Variants in CCDC93 observed in about 807,000 individuals in gnomAD.
The protein encoded by CCDC93 is CCC complex scaffolding subunit CCDC93.
In CCDC93, 61 loss-of-function variants were observed where a neutral mutation model predicts 108.2. That is an observed-to-expected ratio of 0.56 (90% confidence interval 0.46 to 0.70). CCDC93 has a LOEUF of 0.70. Ranked by LOEUF, CCDC93 falls within the 30% of genes least tolerant of loss-of-function variation. CCDC93 has a pLI of 0.00. For synonymous variants in CCDC93, 276 were observed against 260.4 expected (o/e 1.06, Z -0.58); for missense variants, 685 against 764.2 (o/e 0.90, Z 1.22).
intron 3 of CCDC93, among the ~76,000 whole-genome samples, chr2:118,002,072 A>G (rs753755141): frequency 2.0e-5 from 3 of 152,152 alleles, no homozygotes; most frequent in Non-Finnish European, 2.9e-5. Flanking sequence ...GACCCTTTAA[A>G]AAAAATCTTA....
chr2:117,921,176 C>CAA (rs34197714), intron 23 of CCDC93, among the ~76,000 whole-genome samples: 6,069 of 75,866 alleles, frequency 0.08, 250 homozygotes, highest in Non-Finnish European at 0.11. Context: ...GGCTCTGTCT[C>CAA]AAAAAAAAAA....
intron 18 of CCDC93, among the ~76,000 whole-genome samples, chr2:117,943,145 C>A (rs2104732420): frequency 6.6e-6 from 1 of 152,336 alleles, no homozygotes; most frequent in East Asian, 1.9e-4. Flanking sequence ...GAAGCTTTCC[C>A]CTAGCCAGTC....
In CCDC93 at chr2:117,916,564, T is replaced by A. The variant is rs1677692225; in HGVS notation, c.*3779A>T. On this transcript the variant is annotated 3_prime_UTR_variant, in exon 24 of 24. Transcript: ENST00000376300. The stretch of plus-strand genomic sequence containing the variant: ...GAAAAGCCATTTTATCCAACCGGAA[T>A]TTCCCAGTCAGTCATCTACCTTGAG... 1 of 152,222 alleles carries A rather than the reference T, an allele frequency of 6.6e-6. No homozygotes were observed. Among genetic ancestry groups the A allele is most frequent in the South Asian group, 2.1e-4 (1 of 4,830 alleles). The allele number at this position is 152,222 out of a possible 1,614,324, so 9.4% of individuals were successfully genotyped here. A position where few individuals can be genotyped will look rare whatever the true frequency, so the allele number is the denominator to read the frequency against.
intron 12 of CCDC93, among the ~76,000 whole-genome samples, chr2:117,957,071 G>A (rs1249179648): frequency 6.6e-6 from 1 of 152,054 alleles, no homozygotes; most frequent in Non-Finnish European, 1.5e-5. Context: ...TGTATTTTTA[G>A]TAGAGACAGG....
chr2:118,000,710 C>G, intron 4 of CCDC93, 111 bp downstream of exon 4: 2 of 666,394 alleles, frequency 3.0e-6, no homozygotes, highest in Non-Finnish European at 5.3e-6. Context: ...AAATCTAAGC[C>G]ACACCCATTA....
intron 4 of CCDC93, chr2:118,000,038 G>A (rs377568209): frequency 6.6e-6 from 1 of 152,194 alleles, no homozygotes; most frequent in East Asian, 1.9e-4. Context: ...CTCTCCCTTA[G>A]GCATTTAGCC....
intron 15 of CCDC93, among the ~76,000 whole-genome samples, chr2:117,947,523 T>A (rs909248544): frequency 1.3e-5 from 2 of 152,184 alleles, no homozygotes; most frequent in South Asian, 4.1e-4. Flanking sequence ...GTTACCCTTT[T>A]CACAAAGGCC....
At chr2:117,941,995 C>T (rs1037149752) in intron 18 of CCDC93, among the ~76,000 whole-genome samples, 1 of 152,230 alleles carries the variant, frequency 6.6e-6, no homozygotes, top group East Asian at 1.9e-4. Context: ...TCCTCCCACT[C>T]TCCTGCCTGC....
intron 12 of CCDC93, among the ~76,000 whole-genome samples, chr2:117,953,065 G>A (rs752462521): frequency 1.7e-4 from 26 of 152,254 alleles, no homozygotes; most frequent in Middle Eastern, 6.8e-3. Context: ...TCAACTTTTA[G>A]AAATTTGAAA....
chr2:118,008,430 T>C (rs1676935289), intron 2 of CCDC93, 115 bp downstream of exon 2: 4 of 670,608 alleles, frequency 6.0e-6, no homozygotes, highest in Non-Finnish European at 1.0e-5. Flanking sequence ...TAGGAAGAAA[T>C]GGAAACACAG....
intron 23 of CCDC93, among the ~76,000 whole-genome samples, chr2:117,926,867 T>C (rs1319937364): frequency 1.3e-5 from 2 of 152,140 alleles, no homozygotes; most frequent in Non-Finnish European, 2.9e-5. Context: ...GCAAAAATCC[T>C]CAATAAAATA....
intron 6 of CCDC93, among the ~76,000 whole-genome samples, chr2:117,992,591 T>C (rs191594351): frequency 3.9e-4 from 60 of 152,214 alleles, no homozygotes; most frequent in Admixed American, 1.2e-3. Context: ...GCGAACACCA[T>C]TTTATCTAGA....
intron 11 of CCDC93, among the ~76,000 whole-genome samples, chr2:117,966,198 C>CA (rs1679564572): frequency 6.6e-6 from 1 of 152,226 alleles, no homozygotes; most frequent in Non-Finnish European, 1.5e-5. Context: ...CTTTCTAGTT[C>CA]AGAGGGGCTG....
chr2:117,923,190 G>A (rs1016671069), intron 23 of CCDC93, among the ~76,000 whole-genome samples: 4 of 152,166 alleles, frequency 2.6e-5, no homozygotes, highest in African/African-American at 4.8e-5. Flanking sequence ...CAGTGTAAGC[G>A]AGGCAGAAGA....
chr2:117,999,340 G>T (rs1051625606), intron 4 of CCDC93: 4 of 152,182 alleles, frequency 2.6e-5, no homozygotes, highest in African/African-American at 9.7e-5. Context: ...ACAGAGTTTA[G>T]ACTGGAACCT....
chr2:117,977,242 G>A (rs1234682629), intron 8 of CCDC93, among the ~76,000 whole-genome samples: 2 of 152,168 alleles, frequency 1.3e-5, no homozygotes, highest in African/African-American at 2.4e-5. Flanking sequence ...CAGTGGCTAT[G>A]AGCACAGGTT....
intron 13 of CCDC93, chr2:117,950,241 G>C: frequency 2.0e-6 from 2 of 985,352 alleles, no homozygotes; most frequent in South Asian, 4.7e-5. Flanking sequence ...TCAAAGAGCT[G>C]AAGACAGACA....
At chr2:118,006,162 C>T (rs1676862020) in intron 3 of CCDC93, among the ~76,000 whole-genome samples, 1 of 152,156 alleles carries the variant, frequency 6.6e-6, no homozygotes, top group South Asian at 2.1e-4. Context: ...AACAGACTGT[C>T]ACAGAATCAC....
At chr2:117,948,882 A>C (rs933073749) in intron 14 of CCDC93, among the ~76,000 whole-genome samples, 1 of 152,238 alleles carries the variant, frequency 6.6e-6, no homozygotes, top group Admixed American at 6.5e-5. Context: ...AAACAACTAC[A>C]GCAGCAGCTG....
Sources: gnomAD v4.1 joint callset for allele counts (sites outside exome capture counted in the v4.1 genomes callset) on GRCh38, gnomAD v4.1.1 for gene constraint, MANE v1.5 for transcripts, NCBI Gene and HGNC (gene_info 2026-07-23, HGNC 2026-07-21) for gene names.